The following RHOQ variants were observed in gnomAD, a reference collection of about 807,000 sequenced individuals.
RHOQ encodes the protein rho-related GTP-binding protein RhoQ.
Under a neutral mutation model 25.8 loss-of-function variants are expected in RHOQ, and 7 were observed. The observed-to-expected ratio is 0.27, with a 90% confidence interval of 0.15 to 0.51. The LOEUF is 0.51. Among genes scored for constraint, RHOQ ranks in the 20% least tolerant of loss-of-function variants. The pLI, the probability that RHOQ is intolerant of heterozygous loss-of-function variation, is 0.97. For missense variants in RHOQ, 165 were observed against 260.6 expected (o/e 0.63, Z 2.53); for synonymous variants, 97 against 98.6 (o/e 0.98, Z 0.10).
chr2:46,558,507 A>G (rs1668471757), intron 2 of RHOQ, among the ~76,000 whole-genome samples: 1 of 152,208 alleles, frequency 6.6e-6, no homozygotes. Context: ...GTTGTTTAGA[A>G]GTCCCCTGCC....
intron 2 of RHOQ, among the ~76,000 whole-genome samples, chr2:46,558,464 G>A (rs966133122): frequency 6.6e-6 from 1 of 152,106 alleles, no homozygotes; most frequent in Non-Finnish European, 1.5e-5. Flanking sequence ...AATTTTTAAG[G>A]CATTGTCCCA....
intron 2 of RHOQ, among the ~76,000 whole-genome samples, chr2:46,575,239 A>T (rs1318752491): frequency 6.6e-6 from 1 of 152,208 alleles, no homozygotes; most frequent in Non-Finnish European, 1.5e-5. Context: ...GCATGATTTC[A>T]TTTTATGTAC....
intron 4 of RHOQ, among the ~76,000 whole-genome samples, chr2:46,579,153 C>A (rs1308019616): frequency 6.6e-6 from 1 of 152,180 alleles, no homozygotes; most frequent in Non-Finnish European, 1.5e-5. Flanking sequence ...GATCTCATTT[C>A]TAGACTCATC....
intron 4 of RHOQ, among the ~76,000 whole-genome samples, chr2:46,578,065 G>A (rs1669198575): frequency 6.6e-6 from 1 of 152,096 alleles, no homozygotes; most frequent in Non-Finnish European, 1.5e-5. Flanking sequence ...AGCAGCCACA[G>A]ATACCAATAG....
intron 2 of RHOQ, among the ~76,000 whole-genome samples, chr2:46,549,923 C>A (rs1304301680): frequency 6.6e-6 from 1 of 152,200 alleles, no homozygotes; most frequent in African/African-American, 2.4e-5. Flanking sequence ...GCAACAAATA[C>A]ATCTTAAGGG....
At chr2:46,580,467 T>G (rs1483258859) in intron 4 of RHOQ, 1 of 152,680 alleles carries the variant, frequency 6.5e-6, no homozygotes, top group Admixed American at 6.5e-5. Context: ...CCCTCACTGC[T>G]CAAACTTCCC....
intron 2 of RHOQ, among the ~76,000 whole-genome samples, chr2:46,550,029 C>T (rs996514863): frequency 6.6e-6 from 1 of 151,988 alleles, no homozygotes; most frequent in Non-Finnish European, 1.5e-5. Context: ...GAGTTCAAGA[C>T]GAGCCTGGAC....
At chr2:46,568,124 T>C (rs1200798663) in intron 2 of RHOQ, 1 of 152,166 alleles carries the variant, frequency 6.6e-6, no homozygotes, top group Non-Finnish European at 1.5e-5. Flanking sequence ...TTTATTTTTT[T>C]ATATATGCAG....
chr2:46,575,793 C>T (rs79753796), intron 2 of RHOQ, among the ~76,000 whole-genome samples: 2,448 of 152,184 alleles, frequency 0.016, 26 homozygotes, highest in Non-Finnish European at 0.023. Flanking sequence ...ATTCTTTGTG[C>T]AAACTTTTTA....
chr2:46,560,630 G>GCA, intron 2 of RHOQ: 1 of 456,276 alleles, frequency 2.2e-6, no homozygotes, highest in South Asian at 1.5e-5. Context: ...TGGGTTTCCA[G>GCA]TGGCCAGGAT....
chr2:46,572,286 A>G (rs573364871), intron 2 of RHOQ, among the ~76,000 whole-genome samples: 129 of 151,866 alleles, frequency 8.5e-4, no homozygotes, highest in African/African-American at 2.9e-3. Context: ...TATTTTTAGT[A>G]GAGACAGGAT....
intron 2 of RHOQ, among the ~76,000 whole-genome samples, chr2:46,557,321 T>TA (rs1043130232): frequency 6.6e-6 from 1 of 152,204 alleles, no homozygotes; most frequent in Non-Finnish European, 1.5e-5. Flanking sequence ...TGATGCATAG[T>TA]AAAAAGGGAG....
At chr2:46,579,335 C>G (rs1558694526) in intron 4 of RHOQ, among the ~76,000 whole-genome samples, 1 of 152,164 alleles carries the variant, frequency 6.6e-6, no homozygotes, top group Non-Finnish European at 1.5e-5. Flanking sequence ...GCTACACTCC[C>G]TAGGCCTAAA....
intron 4 of RHOQ, among the ~76,000 whole-genome samples, chr2:46,578,188 G>T (rs979661283): frequency 6.6e-6 from 1 of 152,096 alleles, no homozygotes; most frequent in Non-Finnish European, 1.5e-5. Flanking sequence ...TGCACCTATA[G>T]AATTGGCAAA....
rs564640194 is a variant in RHOQ, at chr2:46,543,648, C to T, written c.143-106C>T. ...TGACATCTCGCGGGGAGCGCCCCCACGCCTCTAGCTGGGTTGGGAGAGGAG... is the reference window on the plus strand; with the variant it reads ...TGACATCTCGCGGGGAGCGCCCCCATGCCTCTAGCTGGGTTGGGAGAGGAG... On this transcript the variant is annotated intron_variant, in intron 1 of 4. Transcript: ENST00000238738. The T allele has an allele frequency of 1.9e-4, 178 of 949,134 alleles. No homozygotes were observed. In the African/African-American group the frequency reaches 2.7e-3, roughly 14 times the overall value. 58.8% of individuals were successfully genotyped at this position (949,134 alleles called of 1,614,324 possible).
At chr2:46,572,884 C>T (rs1476738154) in intron 2 of RHOQ, 2 of 363,192 alleles carry the variant, frequency 5.5e-6, no homozygotes, top group African/African-American at 4.3e-5. Flanking sequence ...TTATTCATTC[C>T]CAAATCCCAC....
At chr2:46,562,874 C>T (rs953802198) in intron 2 of RHOQ, among the ~76,000 whole-genome samples, 1 of 152,208 alleles carries the variant, frequency 6.6e-6, no homozygotes, top group African/African-American at 2.4e-5. Flanking sequence ...AAGTTAATTT[C>T]ACATTCAGTT....
chr2:46,545,141 C>T (rs1668004765), intron 2 of RHOQ, among the ~76,000 whole-genome samples: 1 of 152,204 alleles, frequency 6.6e-6, no homozygotes, highest in African/African-American at 2.4e-5. Flanking sequence ...TCAGTACAGC[C>T]AGTTCTCAGC....
At chr2:46,579,077 T>C (rs1669247141) in intron 4 of RHOQ, among the ~76,000 whole-genome samples, 1 of 152,246 alleles carries the variant, frequency 6.6e-6, no homozygotes, top group South Asian at 2.1e-4. Flanking sequence ...TAAAACTTCA[T>C]ACTATCTGTT....
Sources: gnomAD v4.1 joint callset for allele counts (sites outside exome capture counted in the v4.1 genomes callset) on GRCh38, gnomAD v4.1.1 for gene constraint, MANE v1.5 for transcripts, NCBI Gene and HGNC (gene_info 2026-07-23, HGNC 2026-07-21) for gene names.